Variants in IL2RA observed in about 807,000 individuals in gnomAD.
The protein encoded by IL2RA is interleukin 2 receptor subunit alpha.
A neutral mutation model predicts 37.8 loss-of-function variants in IL2RA; 24 were observed. The ratio of observed to expected loss-of-function variants is 0.63; its 90% CI spans 0.46 to 0.89. IL2RA has a LOEUF of 0.89. Ranked by LOEUF, IL2RA falls within the 40% of genes least tolerant of loss-of-function variation. The pLI is 0.00. For synonymous variants in IL2RA, 125 were observed against 114.6 expected, an observed-to-expected ratio of 1.09 and a Z score of -0.58; for missense variants, 319 against 348.6, an observed-to-expected ratio of 0.92 and a Z score of 0.68.
Position 6,029,891 on chromosome 10 carries a change from G to A in IL2RA, c.65-3866C>T, listed in dbSNP as rs899699224. On this transcript the variant is annotated intron_variant, in intron 1 of 7. Transcript: ENST00000379959. This position sits in a 1 kb window ranked among gnomAD's most constrained non-coding sequence, Gnocchi z 4.6. Reference sequence around the variant, plus strand: ...GGCTAATTTTTGTATTTTTAGTAGAGATGGGGTTTCACCATGTTGACCAGG... The same window carrying A: ...GGCTAATTTTTGTATTTTTAGTAGAAATGGGGTTTCACCATGTTGACCAGG... Among the ~76,000 whole-genome samples, 5 of 152,100 alleles carry A rather than the reference G, an allele frequency of 3.3e-5. No homozygotes were observed. Among genetic ancestry groups the A allele is most frequent in the Non-Finnish European group, 2.9e-5 (2 of 68,022 alleles).
In IL2RA at chr10:6,019,486, CT is replaced by C. The variant is rs746007785; in HGVS notation, c.668del (p.Gln223ArgfsTer19). 6.2e-7 allele frequency: 1 copy of C among 1,613,054 alleles called. No individual in the cohort carries two copies. Among genetic ancestry groups the C allele is most frequent in the South Asian group, 1.1e-5 (1 of 91,064 alleles). On this transcript the variant is annotated frameshift_variant, in exon 6 of 8. Coordinates refer to ENST00000379959, the MANE Select transcript of IL2RA (RefSeq NM_000417.3). LOFTEE classifies it high-confidence loss of function. ...TCTCCATGGTTGCAGCCATTTCTGT[CT>C]GTATTTGAAAATCTGTGAAAAAGAG... The part of the protein sequence containing the change: ...CLVTTTDFQI[Q>X]TEMAATMETS...
At chr10:6,016,952 A>G (rs1015824307) in intron 7 of IL2RA, 2 of 152,204 alleles carry the variant, frequency 1.3e-5, no homozygotes, top group Non-Finnish European at 2.9e-5. Flanking sequence ...CTATTGCAAC[A>G]AATTTGTTCT....
Position 6,054,506 on chromosome 10 carries a change from C to T in IL2RA, c.64+7582G>A, listed in dbSNP as rs574133646. On this transcript the variant is annotated intron_variant, in intron 1 of 7. Transcript: ENST00000379959. The surrounding 1 kb of genome is among the most constrained non-coding windows in gnomAD (Gnocchi z 4.5). Reference sequence around the variant, plus strand: ...CTGAGCAAAAGTATTCGTTTTTGTCCGAGAATCTGAGACTCATTTGCTTGG... The same window carrying T: ...CTGAGCAAAAGTATTCGTTTTTGTCTGAGAATCTGAGACTCATTTGCTTGG... Among the ~76,000 whole-genome samples, 241 of 152,196 alleles carry T rather than the reference C, an allele frequency of 1.6e-3. 3 individuals are homozygous for T. Among genetic ancestry groups the T allele is most frequent in the Middle Eastern group, 3.4e-3 (1 of 294 alleles).
rs1369959252 is a variant in IL2RA, at chr10:6,033,471, CT to C, written c.65-7447del. 3.3e-5 allele frequency among the ~76,000 whole-genome samples: 5 copies of C among 152,162 alleles called. No homozygotes were observed. Among genetic ancestry groups the C allele is most frequent in the African/African-American group, 1.2e-4 (5 of 41,432 alleles). On this transcript the variant is annotated intron_variant, in intron 1 of 7. Transcript: ENST00000379959. This position sits in a 1 kb window ranked among gnomAD's most constrained non-coding sequence, Gnocchi z 4.3. The stretch of plus-strand genomic sequence containing the variant: ...TTTTATAAAATATTTATAGTAACTT[CT>C]TTCTTTTATTAAGCCCCTTCCATTC...
At position 6,028,990 on chromosome 10, in the gene IL2RA, C is replaced by CAAAA. The variant is rs34303304; in HGVS notation, c.65-2969_65-2966dup. On this transcript the variant is annotated intron_variant, in intron 1 of 7. Transcript: ENST00000379959. The surrounding 1 kb of genome is among the most constrained non-coding windows in gnomAD (Gnocchi z 4.1). ...TTACAGAGTGAGTGAGAGTCTGTCT[C>CAAAA]AAAAAAAAAAAAAAAAGACCCCTAA... 9.1e-6 allele frequency among the ~76,000 whole-genome samples: 1 copy of CAAAA among 110,046 alleles called. No individual in the cohort carries two copies. The allele number at this position is 110,046 out of a possible 152,430, so 72.2% of individuals were successfully genotyped here.
At position 6,057,655 on chromosome 10, in the gene IL2RA, C is replaced by T. The variant is rs542513293; in HGVS notation, c.64+4433G>A. The stretch of plus-strand genomic sequence containing the variant: ...GGTTTATTTTCCTGCTAATTCTATT[C>T]CCTGTGACCTCAAGCAACATGCCTC... On this transcript the variant is annotated intron_variant, in intron 1 of 7. Transcript: ENST00000379959. This position sits in a 1 kb window ranked among gnomAD's most constrained non-coding sequence, Gnocchi z 4.8. Among the ~76,000 whole-genome samples, 30 of 152,288 alleles carry T rather than the reference C, an allele frequency of 2.0e-4. No individual in the cohort carries two copies. The highest frequency in any genetic ancestry group is 7.2e-4 in the Admixed American group (11 of 15,286).
Position 6,044,657 on chromosome 10 carries a change from C to T in IL2RA, c.64+17431G>A, listed in dbSNP as rs1405262852. Among the ~76,000 whole-genome samples, 1 of 152,208 alleles carries T rather than the reference C, an allele frequency of 6.6e-6. No homozygotes were observed. The highest frequency in any genetic ancestry group is 1.5e-5 in the Non-Finnish European group (1 of 68,052). On this transcript the variant is annotated intron_variant, in intron 1 of 7. Transcript: ENST00000379959. This position sits in a 1 kb window ranked among gnomAD's most constrained non-coding sequence, Gnocchi z 4.5. ...CCCTGCCTCGGGGGTTGAGTCCCAA[C>T]TTCTACCTCAGTAGGAAGATTTTTA...
chr10:6,052,663 C>T (rs993187305), intron 1 of IL2RA, among the ~76,000 whole-genome samples: 1 of 152,184 alleles, frequency 6.6e-6, no homozygotes, highest in Non-Finnish European at 1.5e-5. Flanking sequence ...GCCTCAGAGG[C>T]ACACACCTAT....
At chr10:6,062,054 T>C in intron 1 of IL2RA, 34 bp downstream of exon 1, 1 of 1,584,074 alleles carries the variant, frequency 6.3e-7, no homozygotes, top group Non-Finnish European at 8.7e-7. Context: ...CCATCAGCCT[T>C]CCCGGAATTC....
intron 7 of IL2RA, among the ~76,000 whole-genome samples, chr10:6,013,280 C>T (rs965308482): frequency 3.3e-5 from 5 of 152,228 alleles, no homozygotes; most frequent in African/African-American, 1.2e-4. Flanking sequence ...TGCAGTTGTG[C>T]TGTCCGATAA....
chr10:6,049,909 A>G (rs1384788249), intron 1 of IL2RA, among the ~76,000 whole-genome samples: 1 of 152,200 alleles, frequency 6.6e-6, no homozygotes, highest in Non-Finnish European at 1.5e-5. Flanking sequence ...TTGTTCCAGT[A>G]AGGGAGGAGG....
At chr10:6,050,568 C>A (rs969387066) in intron 1 of IL2RA, among the ~76,000 whole-genome samples, 1 of 152,118 alleles carries the variant, frequency 6.6e-6, no homozygotes, top group Non-Finnish European at 1.5e-5. Context: ...CTCTTGAACC[C>A]GGGAGGCAGA....
At position 6,021,564 on chromosome 10, in the gene IL2RA, C is replaced by A; in HGVS notation, c.497G>T (p.Ser166Ile). Reference protein sequence around the residue: ...YRALHRGPAESVCKMTHGKTR... With the variant: ...YRALHRGPAEIVCKMTHGKTR... ...CTTCCCGTGGGTCATTTTGCAGACG[C>A]TCTCAGCAGGACCTCTGTGTAGAGC... The change falls in exon 4 of 8, where the codon AGC becomes ATC. Residue 166 changes from serine (S) to isoleucine (I), a missense_variant. Ser to Ile is a moderately radical substitution (Grantham distance 142, BLOSUM62 -2). Transcript: ENST00000379959. The surrounding 1 kb of genome is among the most constrained non-coding windows in gnomAD (Gnocchi z 4.9). The A allele has an allele frequency of 3.1e-6, 5 of 1,614,106 alleles. No homozygotes were observed. The highest frequency in any genetic ancestry group is 3.4e-6 in the Non-Finnish European group (4 of 1,180,020).
intron 1 of IL2RA, among the ~76,000 whole-genome samples, chr10:6,042,148 C>CAAAAACAAAAAAA: frequency 1.8e-5 from 1 of 54,132 alleles, no homozygotes; most frequent in Non-Finnish European, 3.1e-5. Context: ...ATGTATTAAG[C>CAAAAACAAAAAAA]AAAAAAAAAA....
chr10:6,037,712 C>T (rs542267578), intron 1 of IL2RA, among the ~76,000 whole-genome samples: 1 of 152,174 alleles, frequency 6.6e-6, no homozygotes, highest in East Asian at 1.9e-4. Context: ...CCGCTCACTG[C>T]CCCCCTGTGG....
intron 1 of IL2RA, among the ~76,000 whole-genome samples, chr10:6,061,779 G>A (rs1315640847): frequency 1.3e-5 from 2 of 152,206 alleles, no homozygotes; most frequent in African/African-American, 4.8e-5. Context: ...AATTTCTTGA[G>A]AAACCTGCTC....
intron 1 of IL2RA, among the ~76,000 whole-genome samples, chr10:6,041,329 A>G (rs791593): frequency 0.17 from 25,736 of 151,884 alleles, 2,479 homozygotes; most frequent in East Asian, 0.34. Flanking sequence ...GTTAGCCAGG[A>G]TGGTCTCAAT....
intron 1 of IL2RA, among the ~76,000 whole-genome samples, chr10:6,038,338 T>C (rs1423887780): frequency 1.3e-5 from 2 of 152,242 alleles, no homozygotes; most frequent in African/African-American, 2.4e-5. Flanking sequence ...TTAGTTCAGA[T>C]TATTATCTTT....
chr10:6,031,714 G>A (rs1839597459), intron 1 of IL2RA, among the ~76,000 whole-genome samples: 1 of 151,374 alleles, frequency 6.6e-6, no homozygotes, highest in Admixed American at 6.6e-5. Flanking sequence ...AAAGAATTAA[G>A]CAAATGGAAA....
Sources: allele counts gnomAD v4.1 joint callset (sites outside exome capture counted in the v4.1 genomes callset), GRCh38; gene constraint gnomAD v4.1.1; non-coding constraint Gnocchi (gnomAD v3.1); transcripts MANE v1.5; gene names NCBI Gene and HGNC (gene_info 2026-07-23, HGNC 2026-07-21).